RIMS2: variants seen among roughly 807,000 people sequenced by gnomAD.
RIMS2 encodes regulating synaptic membrane exocytosis protein 2.
A neutral mutation model predicts 174.4 loss-of-function variants in RIMS2; 59 were observed. That is an observed-to-expected ratio of 0.34 (90% CI 0.27 to 0.42). The LOEUF is 0.42. Among genes scored for constraint, RIMS2 ranks in the 10% least tolerant of loss-of-function variants. RIMS2 has a pLI of 1.00. For synonymous variants in RIMS2, 606 were observed against 572.5 expected, an observed-to-expected ratio of 1.06 and a Z score of -0.84; for missense variants, 1,620 against 1,666.3, an observed-to-expected ratio of 0.97 and a Z score of 0.48.
intron 19 of RIMS2, among the ~76,000 whole-genome samples, chr8:104,116,866 G>C (rs977545630): frequency 6.6e-6 from 1 of 151,978 alleles, no homozygotes; most frequent in African/African-American, 2.4e-5. Flanking sequence ...GTTTTTTAAT[G>C]ATAAAGAGCT....
At chr8:103,508,861 A>G (rs1264169903) in intron 1 of RIMS2, among the ~76,000 whole-genome samples, 1 of 152,082 alleles carries the variant, frequency 6.6e-6, no homozygotes. Context: ...CAAAATTGCC[A>G]GGATTTGACA....
At chr8:104,120,342 T>C (rs952728895) in intron 19 of RIMS2, among the ~76,000 whole-genome samples, 2 of 152,198 alleles carry the variant, frequency 1.3e-5, no homozygotes, top group African/African-American at 4.8e-5. Flanking sequence ...TATATTATTA[T>C]TTGAACAATC....
chr8:103,870,233 A>G (rs1176935490), intron 3 of RIMS2, among the ~76,000 whole-genome samples: 1 of 151,716 alleles, frequency 6.6e-6, no homozygotes, highest in Non-Finnish European at 1.5e-5. Flanking sequence ...CAGTTTACAC[A>G]TCTGAAAAAT....
At chr8:103,558,143 C>CA (rs1441120033) in intron 1 of RIMS2, among the ~76,000 whole-genome samples, 2 of 151,192 alleles carry the variant, frequency 1.3e-5, no homozygotes, top group African/African-American at 4.9e-5. Context: ...GGCATTAACT[C>CA]AAAAAACAAA....
chr8:103,835,107 T>C (rs1268848221), intron 3 of RIMS2, among the ~76,000 whole-genome samples: 3 of 146,844 alleles, frequency 2.0e-5, no homozygotes, highest in Non-Finnish European at 3.0e-5. Context: ...TCTTTTCTTT[T>C]TTTTTTTTTT....
At chr8:103,715,889 T>C in intron 2 of RIMS2, among the ~76,000 whole-genome samples, 1 of 152,274 alleles carries the variant, frequency 6.6e-6, no homozygotes, top group East Asian at 1.9e-4. Context: ...AAATTAAACA[T>C]TGATGCTATG....
intron 2 of RIMS2, among the ~76,000 whole-genome samples, chr8:103,756,973 G>T (rs1035206779): frequency 8.2e-6 from 1 of 121,444 alleles, no homozygotes; most frequent in Non-Finnish European, 1.7e-5. Flanking sequence ...GTATGTGTGT[G>T]TGTGTCTGTG....
At chr8:103,859,243 A>G (rs2099045426) in intron 3 of RIMS2, among the ~76,000 whole-genome samples, 2 of 152,258 alleles carry the variant, frequency 1.3e-5, no homozygotes, top group Middle Eastern at 3.4e-3. Context: ...ACCCACTGGA[A>G]CCTTCACTTT....
intron 1 of RIMS2, among the ~76,000 whole-genome samples, chr8:103,627,072 G>A (rs1252635363): frequency 6.6e-6 from 1 of 152,134 alleles, no homozygotes; most frequent in Non-Finnish European, 1.5e-5. Context: ...AGACCAGGGT[G>A]TATTTCAGTC....
intron 1 of RIMS2, among the ~76,000 whole-genome samples, chr8:103,529,419 T>G (rs1263685463): frequency 2.0e-5 from 3 of 152,216 alleles, no homozygotes; most frequent in African/African-American, 7.2e-5. Context: ...TGTGGAACCC[T>G]CCGAGCCATG....
intron 19 of RIMS2, among the ~76,000 whole-genome samples, chr8:104,186,324 A>G (rs2136162669): frequency 6.6e-6 from 1 of 151,892 alleles, no homozygotes; most frequent in Middle Eastern, 3.4e-3. Context: ...TGACTTCACT[A>G]CTATACAACC....
At chr8:104,252,055 A>G, downstream of RIMS2, 2 of 542,994 alleles carry the variant, frequency 3.7e-6, no homozygotes, top group Non-Finnish European at 6.5e-6. Flanking sequence ...ATTCAATGAC[A>G]CTCGAGTTCT....
chr8:103,851,984 T>C (rs982322995), intron 3 of RIMS2, among the ~76,000 whole-genome samples: 2 of 151,950 alleles, frequency 1.3e-5, no homozygotes, highest in Non-Finnish European at 2.9e-5. Flanking sequence ...CAAATCGTAC[T>C]CGGGCAGATG....
At chr8:103,702,152 T>C (rs1258547785) in intron 2 of RIMS2, among the ~76,000 whole-genome samples, 2 of 152,196 alleles carry the variant, frequency 1.3e-5, no homozygotes, top group Non-Finnish European at 2.9e-5. Flanking sequence ...GACATCACAT[T>C]GTGGCTTTAA....
At chr8:103,567,445 TCTTTTA>T (rs1462198192) in intron 1 of RIMS2, among the ~76,000 whole-genome samples, 1 of 152,240 alleles carries the variant, frequency 6.6e-6, no homozygotes, top group Non-Finnish European at 1.5e-5. Context: ...GTGTCTGGCT[TCTTTTA>T]CTTAGAATAC....
At chr8:103,636,780 A>ACCCCCCCCCCCCCC (rs1564110891) in intron 1 of RIMS2, among the ~76,000 whole-genome samples, 2 of 56,448 alleles carry the variant, frequency 3.5e-5, no homozygotes, top group African/African-American at 7.7e-5. Context: ...TCTATAACCC[A>ACCCCCCCCCCCCCC]CCCCCGCACC....
intron 19 of RIMS2, among the ~76,000 whole-genome samples, chr8:104,170,946 C>CAGTTATTTTGTTTAAGGAGG (rs2098828651): frequency 6.6e-6 from 1 of 152,058 alleles, no homozygotes; most frequent in African/African-American, 2.4e-5. Flanking sequence ...TTTTGGCTGA[C>CAGTTATTTTGTTTAAGGAGG]AGTTATTTTG....
intron 1 of RIMS2, among the ~76,000 whole-genome samples, chr8:103,535,906 C>T (rs961563216): frequency 3.9e-5 from 6 of 152,064 alleles, no homozygotes; most frequent in African/African-American, 1.4e-4. Flanking sequence ...AAGTTGCTAC[C>T]ATGCTTATTT....
At chr8:103,524,558 C>T (rs781715261) in intron 1 of RIMS2, among the ~76,000 whole-genome samples, 1 of 152,090 alleles carries the variant, frequency 6.6e-6, no homozygotes, top group Non-Finnish European at 1.5e-5. Flanking sequence ...GCTCCTAGGG[C>T]TGGCAGAGAA....
Sources: gnomAD v4.1 joint callset for allele counts (sites outside exome capture counted in the v4.1 genomes callset) on GRCh38, gnomAD v4.1.1 for gene constraint, MANE v1.5 for transcripts, NCBI Gene and HGNC (gene_info 2026-07-23, HGNC 2026-07-21) for gene names.